The following FBLN5 variants were observed in gnomAD, a reference collection of about 807,000 sequenced individuals.
FBLN5 encodes fibulin 5.
A neutral mutation model predicts 61.6 loss-of-function variants in FBLN5; 24 were observed. The observed-to-expected ratio is 0.39, with a 90% CI of 0.28 to 0.55. FBLN5 has a LOEUF of 0.55. Among genes scored for constraint, FBLN5 ranks in the 20% least tolerant of loss-of-function variants. FBLN5 has a pLI of 0.65. For synonymous variants in FBLN5, 213 were observed against 219.8 expected (o/e 0.97, Z 0.27); for missense variants, 470 against 594.1 (o/e 0.79, Z 2.17).
At chr14:91,936,383 C>T (rs2056016071) in intron 4 of FBLN5, among the ~76,000 whole-genome samples, 1 of 152,216 alleles carries the variant, frequency 6.6e-6, no homozygotes, top group Non-Finnish European at 1.5e-5. Context: ...CCCGGAGGTC[C>T]ATTCTTGCTG....
chr14:91,904,834 C>T (rs1422015415), intron 4 of FBLN5, among the ~76,000 whole-genome samples: 1 of 152,212 alleles, frequency 6.6e-6, no homozygotes, highest in Non-Finnish European at 1.5e-5. Context: ...TACAAATGTT[C>T]AGTCCATAGC....
chr14:91,918,502 G>A (rs541444745), intron 4 of FBLN5, among the ~76,000 whole-genome samples: 25 of 152,272 alleles, frequency 1.6e-4, no homozygotes, highest in African/African-American at 5.8e-4. Context: ...GCCAAAAGAG[G>A]AATTCGATTT....
At chr14:91,925,867 C>T (rs1291428419) in intron 4 of FBLN5, among the ~76,000 whole-genome samples, 1 of 152,226 alleles carries the variant, frequency 6.6e-6, no homozygotes, top group Non-Finnish European at 1.5e-5. Flanking sequence ...CCACAAGGCG[C>T]TTAAGGAACA....
At chr14:91,931,245 C>G (rs924188462) in intron 4 of FBLN5, among the ~76,000 whole-genome samples, 4 of 152,222 alleles carry the variant, frequency 2.6e-5, no homozygotes, top group African/African-American at 9.6e-5. Flanking sequence ...ATCTCAGGAA[C>G]TCATCAGAGG....
At position 91,885,858 on chromosome 14, in the gene FBLN5, C is replaced by G. The variant is rs138954043; in HGVS notation, c.739+1335G>C. On this transcript the variant is annotated intron_variant, in intron 7 of 10. Coordinates refer to ENST00000342058, the MANE Select transcript of FBLN5 (RefSeq NM_006329.4). ...TTCTTAGTTCCTTGGCCCCAACTCC[C>G]CAAGGAGTGCCACGGAGGGAACTGA... Among the ~76,000 whole-genome samples the G allele has an allele frequency of 9.2e-5, 14 of 152,344 alleles. 1 individual carries two copies. The East Asian group carries it at 2.7e-3, about 29-fold the overall frequency.
At chr14:91,932,156 GAC>G (rs2055935115) in intron 4 of FBLN5, among the ~76,000 whole-genome samples, 1 of 152,154 alleles carries the variant, frequency 6.6e-6, no homozygotes. Context: ...GGATCTGGGT[GAC>G]ACACTCTAAT....
intron 4 of FBLN5, among the ~76,000 whole-genome samples, chr14:91,910,164 C>T (rs77113677): frequency 0.033 from 4,965 of 152,286 alleles, 108 homozygotes; most frequent in Middle Eastern, 0.071. Flanking sequence ...AAATGTGGTA[C>T]ATTCACATGA....
chr14:91,874,090 A>C (rs924901244), intron 10 of FBLN5: 1 of 152,342 alleles, frequency 6.6e-6, no homozygotes, highest in African/African-American at 2.4e-5. Flanking sequence ...GCATGTGGGC[A>C]TAAGTGTGTG....
rs1456704049 is a variant in FBLN5 at position 91,947,609 on chromosome 14, G to C, written c.-380C>G. On this transcript the variant is annotated 5_prime_UTR_variant, in exon 1 of 11. Transcript: ENST00000342058. This position sits in a 1 kb window ranked among gnomAD's most constrained non-coding sequence, Gnocchi z 4.3. Reference sequence around the variant, plus strand: ...TGGCTAGACTCCTCACAACAATCTTGGGGCGTCTGCCAGGGCCCAGTGCTC... The same window carrying C: ...TGGCTAGACTCCTCACAACAATCTTCGGGCGTCTGCCAGGGCCCAGTGCTC... 1.1e-5 allele frequency: 3 copies of C among 264,696 alleles called. No homozygotes were observed. Among genetic ancestry groups the C allele is most frequent in the African/African-American group, 2.2e-5 (1 of 45,476 alleles). 16.4% of individuals were successfully genotyped at this position (264,696 alleles called of 1,614,324 possible). A position where few individuals can be genotyped will look rare whatever the true frequency, so the allele number is the denominator to read the frequency against.
chr14:91,880,576 C>A (rs1343104547), intron 9 of FBLN5, among the ~76,000 whole-genome samples: 1 of 151,706 alleles, frequency 6.6e-6, no homozygotes, highest in African/African-American at 2.4e-5. Context: ...GAGACAGAGT[C>A]TCACTCTGTC....
In FBLN5 at chr14:91,929,801, G is replaced by A. The variant is rs1380456653; in HGVS notation, c.379+7146C>T. On this transcript the variant is annotated intron_variant, in intron 4 of 10. Transcript: ENST00000342058. Reference sequence around the variant, plus strand: ...AAAGGGTGTTCCCTGGACCAGCAGCGTGGCATCACCTGGGGGCTTATAAGA... The same window carrying A: ...AAAGGGTGTTCCCTGGACCAGCAGCATGGCATCACCTGGGGGCTTATAAGA... Among the ~76,000 whole-genome samples the A allele has an allele frequency of 2.6e-5, 4 of 152,210 alleles. No homozygotes were observed. The East Asian group carries it at 5.8e-4, about 22-fold the overall frequency.
At chr14:91,886,770 A>G (rs1431723212) in intron 7 of FBLN5, among the ~76,000 whole-genome samples, 1 of 152,146 alleles carries the variant, frequency 6.6e-6, no homozygotes. Context: ...CATTCATTCA[A>G]TGTTCCCCCC....
chr14:91,892,564 C>T (rs1014102024), intron 5 of FBLN5, among the ~76,000 whole-genome samples: 3 of 152,206 alleles, frequency 2.0e-5, no homozygotes, highest in Middle Eastern at 6.3e-3. Context: ...CCGGCTACTT[C>T]TAACCTGGCC....
intron 4 of FBLN5, among the ~76,000 whole-genome samples, chr14:91,895,523 G>A (rs1253313007): frequency 6.6e-6 from 1 of 152,102 alleles, no homozygotes; most frequent in Non-Finnish European, 1.5e-5. Context: ...CCCCAGCTGG[G>A]CATGGTGGCT....
rs1368182840 is a variant in FBLN5, at chr14:91,887,176, A to T, written c.739+17T>A. ...CCCCAAGTACAGGTGGAAGTTTCCA[A>T]TGCGAAAGCCCATTACCACTGCAAT... On this transcript the variant is annotated intron_variant, in intron 7 of 10. Transcript: ENST00000342058. 6.2e-7 allele frequency: 1 copy of T among 1,613,688 alleles called. No homozygotes were observed. Among genetic ancestry groups the T allele is most frequent in the Admixed American group, 1.7e-5 (1 of 59,978 alleles).
At chr14:91,898,619 G>A (rs1038490587) in intron 4 of FBLN5, among the ~76,000 whole-genome samples, 7 of 151,936 alleles carry the variant, frequency 4.6e-5, no homozygotes, top group Non-Finnish European at 7.4e-5. Flanking sequence ...CTCCCTTTCC[G>A]CATCAGTGGA....
chr14:91,928,781 G>A (rs747544256), intron 4 of FBLN5, among the ~76,000 whole-genome samples: 17 of 151,812 alleles, frequency 1.1e-4, no homozygotes, highest in Non-Finnish European at 1.9e-4. Flanking sequence ...GTCTCAGGCC[G>A]GGCGCAGTGG....
At chr14:91,940,799 C>T (rs150978223) in intron 2 of FBLN5, among the ~76,000 whole-genome samples, 183 bp from the exon 3 acceptor site, 55 of 152,254 alleles carry the variant, frequency 3.6e-4, no homozygotes, top group African/African-American at 1.1e-3. Context: ...ATACTTAGAA[C>T]TACTTTCTAA....
intron 5 of FBLN5, among the ~76,000 whole-genome samples, chr14:91,892,133 T>C (rs1210578634): frequency 6.6e-6 from 1 of 152,208 alleles, no homozygotes; most frequent in Non-Finnish European, 1.5e-5. Flanking sequence ...TATCCATCAA[T>C]GGGGAGCCTG....
Sources: allele counts gnomAD v4.1 joint callset (sites outside exome capture counted in the v4.1 genomes callset), GRCh38; gene constraint gnomAD v4.1.1; non-coding constraint Gnocchi (gnomAD v3.1); transcripts MANE v1.5; gene names NCBI Gene and HGNC (gene_info 2026-07-23, HGNC 2026-07-21).